The following MYO16 variants were observed in gnomAD, a reference collection of about 807,000 sequenced individuals.
MYO16 encodes myosin XVI.
MYO16 carries 94 observed loss-of-function variants against 205.3 expected under a neutral mutation model. The ratio of observed to expected loss-of-function variants is 0.46; its 90% CI spans 0.39 to 0.54. The LOEUF (loss-of-function observed/expected upper bound fraction) is 0.54. MYO16 is among the 20% of genes least tolerant of loss of function. The pLI is 0.00. For missense variants in MYO16, 2,315 were observed against 2,387.5 expected (o/e 0.97, Z 0.63); for synonymous variants, 988 against 954.0 (o/e 1.04, Z -0.66).
rs1463065418 is a variant in MYO16, at chr13:109,140,147, G to A, written c.4052-117G>A. On this transcript the variant is annotated intron_variant, in intron 31 of 34. Transcript: ENST00000457511. The surrounding 1 kb of genome is among the most constrained non-coding windows in gnomAD (Gnocchi z 8.0). Reference sequence around the variant, plus strand: ...AGTGGGTGGAGGAACATGCAGGCCCGGTCCCTTGGGATTCTCGGGGCACGG... The same window carrying A: ...AGTGGGTGGAGGAACATGCAGGCCCAGTCCCTTGGGATTCTCGGGGCACGG... 14 of 1,484,540 alleles carry A rather than the reference G, an allele frequency of 9.4e-6. No homozygotes were observed. The highest frequency in any genetic ancestry group is 9.2e-5 in the Admixed American group (4 of 43,570). The allele number at this position is 1,484,540 out of a possible 1,614,324, so 92.0% of individuals were successfully genotyped here. A position where few individuals can be genotyped will look rare whatever the true frequency, so the allele number is the denominator to read the frequency against.
intron 2 of MYO16, among the ~76,000 whole-genome samples, chr13:108,693,748 G>T (rs574397454): frequency 6.6e-6 from 1 of 152,114 alleles, no homozygotes; most frequent in Non-Finnish European, 1.5e-5. Context: ...CCATGTTCAG[G>T]TTTGTTATAT....
intron 27 of MYO16, among the ~76,000 whole-genome samples, chr13:109,077,801 G>A (rs1566494980): frequency 6.6e-6 from 1 of 152,062 alleles, no homozygotes; most frequent in South Asian, 2.1e-4. Context: ...GCTTCATCAG[G>A]CTTCTTGGAT....
chr13:108,862,226 T>A (rs534210324), intron 11 of MYO16, among the ~76,000 whole-genome samples: 19 of 152,286 alleles, frequency 1.2e-4, no homozygotes, highest in African/African-American at 4.3e-4. Context: ...AATAAAATTC[T>A]GAATGTTAAA....
upstream of MYO16, among the ~76,000 whole-genome samples, chr13:108,593,800 C>T (rs966452590): frequency 6.6e-6 from 1 of 152,172 alleles, no homozygotes; most frequent in Non-Finnish European, 1.5e-5. Context: ...CTGTCGGGCT[C>T]CTATGTCGCT....
At chr13:108,899,881 T>C (rs1277470092) in intron 15 of MYO16, among the ~76,000 whole-genome samples, 1 of 152,186 alleles carries the variant, frequency 6.6e-6, no homozygotes, top group Non-Finnish European at 1.5e-5. Context: ...ATGCAGAATC[T>C]GAGGCCATAC....
At chr13:109,200,589 A>T (rs964069723) in intron 34 of MYO16, among the ~76,000 whole-genome samples, 2 of 152,166 alleles carry the variant, frequency 1.3e-5, no homozygotes, top group Non-Finnish European at 2.9e-5. Context: ...GGTACTTGGG[A>T]ATTCAGATAT....
chr13:109,018,358 G>A (rs999020788), intron 22 of MYO16, among the ~76,000 whole-genome samples: 6 of 152,224 alleles, frequency 3.9e-5, no homozygotes, highest in Admixed American at 2.6e-4. Context: ...TCCTCTGGAA[G>A]CTTTGTCTCA....
At chr13:108,533,557 G>A in the MYO16 span, among the ~76,000 whole-genome samples, 2 of 152,312 alleles carry the variant, frequency 1.3e-5, no homozygotes, top group South Asian at 4.1e-4. Flanking sequence ...GATTGGCAGT[G>A]CTCTTTGTGT....
chr13:108,631,714 T>C (rs1466547967), intron 1 of MYO16, among the ~76,000 whole-genome samples: 3 of 152,206 alleles, frequency 2.0e-5, no homozygotes, highest in African/African-American at 7.2e-5. Context: ...TACTGCATTC[T>C]GTGCTGAACT....
At chr13:108,543,926 G>A in the MYO16 span, among the ~76,000 whole-genome samples, 1 of 150,810 alleles carries the variant, frequency 6.6e-6, no homozygotes, top group Non-Finnish European at 1.5e-5. Context: ...TTAGCTGGGT[G>A]TGGTGGTGCA....
chr13:109,089,546 A>G (rs1188101471), intron 27 of MYO16, among the ~76,000 whole-genome samples: 1 of 152,144 alleles, frequency 6.6e-6, no homozygotes, highest in Admixed American at 6.6e-5. Flanking sequence ...CTTCATTTGT[A>G]CATTATTCTG....
At chr13:109,178,009 C>CCTT (rs1021685145) in intron 33 of MYO16, among the ~76,000 whole-genome samples, 9 of 152,240 alleles carry the variant, frequency 5.9e-5, no homozygotes, top group Non-Finnish European at 1.0e-4. Context: ...AAGAGGTGGT[C>CCTT]CTTCACATGA....
intron 16 of MYO16, among the ~76,000 whole-genome samples, chr13:108,934,059 C>T (rs1038804982): frequency 1.3e-5 from 2 of 152,104 alleles, no homozygotes; most frequent in Non-Finnish European, 2.9e-5. Flanking sequence ...CTGCAAAGAA[C>T]ATGTGAGTGC....
chr13:108,610,833 A>G (rs557376932), intron 1 of MYO16, among the ~76,000 whole-genome samples: 2 of 152,262 alleles, frequency 1.3e-5, no homozygotes, highest in East Asian at 3.9e-4. Context: ...GTTGAAAAGA[A>G]AAAAAAGGAG....
rs275953 is a variant in MYO16 at position 109,140,124 on chromosome 13, T to G, written c.4052-140T>G. The G allele has an allele frequency of 1.1e-5, 15 of 1,396,414 alleles. No individual in the cohort carries two copies. The African/African-American group carries it at 2.3e-4, about 21-fold the overall frequency. The allele number at this position is 1,396,414 out of a possible 1,614,324, so 86.5% of individuals were successfully genotyped here. A position where few individuals can be genotyped will look rare whatever the true frequency, so the allele number is the denominator to read the frequency against. On this transcript the variant is annotated intron_variant, in intron 31 of 34. Transcript: ENST00000457511. The surrounding 1 kb of genome is among the most constrained non-coding windows in gnomAD (Gnocchi z 8.0). ...GTTCGGGTTCAGCCAGGGAGCCTAGTGGGTGGAGGAACATGCAGGCCCGGT... is the reference window on the plus strand; with the variant it reads ...GTTCGGGTTCAGCCAGGGAGCCTAGGGGGTGGAGGAACATGCAGGCCCGGT...
chr13:108,836,717 A>G (rs1012214489), intron 9 of MYO16, among the ~76,000 whole-genome samples: 7 of 152,154 alleles, frequency 4.6e-5, no homozygotes, highest in Non-Finnish European at 1.0e-4. Flanking sequence ...TCGTTATGGA[A>G]CGTTAAGGTT....
rs1566520273 is a variant in MYO16 at position 109,127,337 on chromosome 13, G to GCGGC, written c.3841_3844dup (p.Val1282GlyfsTer27). The stretch of plus-strand genomic sequence containing the variant: ...CCACCCCAGCTCCATGTCAGTCTGC[G>GCGGC]CGGCCGTGGATGGCCTGGGCCAGTG... On this transcript the variant is annotated frameshift_variant, in exon 31 of 35. Transcript: ENST00000457511. LOFTEE classifies it high-confidence loss of function. This position sits in a 1 kb window ranked among gnomAD's most constrained non-coding sequence, Gnocchi z 4.2. 6.2e-7 allele frequency: 1 copy of GCGGC among 1,611,574 alleles called. No individual in the cohort carries two copies. Among genetic ancestry groups the GCGGC allele is most frequent in the Non-Finnish European group, 8.5e-7 (1 of 1,178,088 alleles).
At chr13:109,113,866 G>C (rs988604818) in intron 28 of MYO16, among the ~76,000 whole-genome samples, 1 of 152,184 alleles carries the variant, frequency 6.6e-6, no homozygotes, top group Non-Finnish European at 1.5e-5. Flanking sequence ...TCCAGGATAA[G>C]ATGGAAACAT....
chr13:108,607,418 T>G (rs1411776438), intron 1 of MYO16, among the ~76,000 whole-genome samples: 1 of 152,136 alleles, frequency 6.6e-6, no homozygotes, highest in African/African-American at 2.4e-5. Context: ...CCCTATGCAG[T>G]TCTCATGACA....
Sources: gnomAD v4.1 joint callset for allele counts (sites outside exome capture counted in the v4.1 genomes callset) on GRCh38, gnomAD v4.1.1 for gene constraint, Gnocchi (gnomAD v3.1) non-coding constraint, MANE v1.5 for transcripts, NCBI Gene and HGNC (gene_info 2026-07-23, HGNC 2026-07-21) for gene names.